The following ZBBX variants were observed in gnomAD, a reference collection of about 807,000 sequenced individuals.
ZBBX encodes zinc finger B-box domain-containing protein 1.
A neutral mutation model predicts 108.5 loss-of-function variants in ZBBX; 101 were observed. That is an observed-to-expected ratio of 0.93 (90% CI 0.79 to 1.10). The LOEUF (loss-of-function observed/expected upper bound fraction) is 1.10. Among genes scored for constraint, ZBBX ranks in the 50% least tolerant of loss-of-function variants. ZBBX has a pLI of 0.00. For missense variants in ZBBX, 1,009 were observed against 941.4 expected, an observed-to-expected ratio of 1.07 and a Z score of -0.94; for synonymous variants, 356 against 323.4, an observed-to-expected ratio of 1.10 and a Z score of -1.08.
chr3:167,239,710 C>A (rs1720388420), downstream of ZBBX, among the ~76,000 whole-genome samples: 1 of 151,978 alleles, frequency 6.6e-6, no homozygotes, highest in African/African-American at 2.4e-5. Context: ...AAGTAATACA[C>A]AGATTTTTGG....
the ZBBX span, among the ~76,000 whole-genome samples, chr3:167,212,583 C>T: frequency 2.0e-5 from 3 of 152,168 alleles, no homozygotes; most frequent in Admixed American, 6.5e-5. Flanking sequence ...GAACCCCTGG[C>T]GTGGACCCAC....
chr3:167,351,547 C>T (rs868471236), intron 8 of ZBBX, among the ~76,000 whole-genome samples: 4 of 152,268 alleles, frequency 2.6e-5, no homozygotes, highest in South Asian at 2.1e-4. Flanking sequence ...ATTTCCAATG[C>T]TCCTCATTCC....
chr3:167,373,600 A>G (rs1210643150), intron 3 of ZBBX, 106 bp downstream of exon 3: 1 of 152,248 alleles, frequency 6.6e-6, no homozygotes, highest in Non-Finnish European at 1.5e-5. Context: ...ATCAATGAAT[A>G]TATTATGCAT....
intron 1 of ZBBX, among the ~76,000 whole-genome samples, chr3:167,388,333 G>A (rs930777290): frequency 1.3e-5 from 2 of 151,862 alleles, no homozygotes; most frequent in African/African-American, 4.8e-5. Context: ...AGGAGATGAA[G>A]GCCAAAATAA....
intron 9 of ZBBX, among the ~76,000 whole-genome samples, chr3:167,342,710 A>G (rs28663342): frequency 0.36 from 54,136 of 151,122 alleles, 10,063 homozygotes; most frequent in East Asian, 0.66. Context: ...ATCTCATATA[A>G]GCAGAGTTAT....
intron 10 of ZBBX, among the ~76,000 whole-genome samples, chr3:167,333,054 T>C (rs1342991187): frequency 6.6e-6 from 1 of 152,010 alleles, no homozygotes; most frequent in African/African-American, 2.4e-5. Flanking sequence ...CTGACACTCC[T>C]GAAAAATTCA....
At chr3:167,280,472 A>C (rs1390190195) in intron 20 of ZBBX, among the ~76,000 whole-genome samples, 1 of 150,830 alleles carries the variant, frequency 6.6e-6, no homozygotes, top group Admixed American at 6.6e-5. Flanking sequence ...TCAAAAGAAG[A>C]CATTTATGCA....
chr3:167,354,391 CAGTATTTAAAA>C (rs763748130), intron 8 of ZBBX, among the ~76,000 whole-genome samples: 2 of 151,672 alleles, frequency 1.3e-5, no homozygotes, highest in African/African-American at 2.4e-5. Context: ...AAATAAAATT[CAGTATTTAAAA>C]AGAATGCATG....
Position 167,240,208 on chromosome 3 carries a change from C to T in ZBBX, c.*585G>A, listed in dbSNP as rs1244074910. 3 of 152,198 alleles carry T rather than the reference C, an allele frequency of 2.0e-5. No homozygotes were observed. Among genetic ancestry groups the T allele is most frequent in the Non-Finnish European group, 4.4e-5 (3 of 68,296 alleles). The allele number at this position is 152,198 out of a possible 1,614,324, so 9.4% of individuals were successfully genotyped here. A position where few individuals can be genotyped will look rare whatever the true frequency, so the allele number is the denominator to read the frequency against. Reference sequence around the variant, plus strand: ...CATTTTCACATAAAGCTAATCACTACATTGACCTTCTTAAAAAAAGATGCT... The same window carrying T: ...CATTTTCACATAAAGCTAATCACTATATTGACCTTCTTAAAAAAAGATGCT... On this transcript the variant is annotated 3_prime_UTR_variant, in exon 22 of 22. Transcript: ENST00000675490.
chr3:167,389,129 G>T (rs1748010775), intron 1 of ZBBX, among the ~76,000 whole-genome samples: 1 of 151,824 alleles, frequency 6.6e-6, no homozygotes, highest in Non-Finnish European at 1.5e-5. Context: ...CCCTCCCCTT[G>T]CCCCCGACCA....
intron 9 of ZBBX, among the ~76,000 whole-genome samples, chr3:167,342,891 G>A (rs1426037692): frequency 6.6e-6 from 1 of 151,324 alleles, no homozygotes; most frequent in African/African-American, 2.4e-5. Flanking sequence ...ATGGGTATAT[G>A]TACATGTCCA....
At chr3:167,288,102 C>T (rs1576899331) in intron 19 of ZBBX, among the ~76,000 whole-genome samples, 1 of 152,158 alleles carries the variant, frequency 6.6e-6, no homozygotes, top group Admixed American at 6.5e-5. Context: ...GGGGCCAATC[C>T]AAGTGCTAAT....
intron 20 of ZBBX, among the ~76,000 whole-genome samples, chr3:167,264,468 C>G (rs1394049030): frequency 1.3e-5 from 2 of 152,144 alleles, no homozygotes; most frequent in African/African-American, 4.8e-5. Flanking sequence ...ATTACATAAA[C>G]AAAGAAATGC....
At chr3:167,397,558 T>C (rs992177210) in intron 1 of ZBBX, among the ~76,000 whole-genome samples, 11 of 151,674 alleles carry the variant, frequency 7.3e-5, no homozygotes, top group African/African-American at 2.4e-4. Flanking sequence ...AAGTAGAGAG[T>C]TGTGTTGACC....
chr3:167,378,615 T>C (rs1747327856), intron 2 of ZBBX, among the ~76,000 whole-genome samples: 1 of 152,094 alleles, frequency 6.6e-6, no homozygotes, highest in Non-Finnish European at 1.5e-5. Flanking sequence ...CTATAAGACC[T>C]CCAGAGAGCT....
chr3:167,252,112 G>A (rs751876797), intron 20 of ZBBX: 4 of 1,279,682 alleles, frequency 3.1e-6, no homozygotes, highest in Admixed American at 4.6e-5. Context: ...TGAATCAAAG[G>A]AGAAACTGTT....
rs1395419748 is a variant in ZBBX, at chr3:167,285,460, AAAAAGAATTCT to A, written c.1997-2976_1997-2966del. On this transcript the variant is annotated intron_variant, in intron 19 of 21. Coordinates refer to ENST00000675490, the MANE Select transcript of ZBBX (RefSeq NM_001199201.2). ...TATCAACTGCTGAGAATTTATACAT[AAAAAGAATTCT>A]TAGAAATGTATTTTCTAAGAATTCT... Among the ~76,000 whole-genome samples the A allele has an allele frequency of 3.6e-3, 553 of 152,250 alleles. 2 individuals are homozygous for A. The highest frequency in any genetic ancestry group is 6.2e-3 in the Non-Finnish European group (423 of 67,992).
At chr3:167,406,940 C>G (rs962934545) in intron 1 of ZBBX, among the ~76,000 whole-genome samples, 2 of 152,140 alleles carry the variant, frequency 1.3e-5, no homozygotes, top group African/African-American at 4.8e-5. Context: ...TCAGTTTTAT[C>G]CAAGTAGTTC....
In ZBBX at chr3:167,317,564, T is replaced by TG; in HGVS notation, c.1016dup (p.Asp340ArgfsTer8). ...TTTCATGTGGATGTGGGAACGTATC[T>TG]GGTAGCATTTTAAAAAGTTGCTCTT... On this transcript the variant is annotated frameshift_variant, in exon 13 of 22. Transcript: ENST00000675490. LOFTEE classifies it high-confidence loss of function. The TG allele has an allele frequency of 6.2e-7, 1 of 1,610,692 alleles. No homozygotes were observed. Among genetic ancestry groups the TG allele is most frequent in the Non-Finnish European group, 8.5e-7 (1 of 1,178,206 alleles).
Sources: gnomAD v4.1 joint callset for allele counts (sites outside exome capture counted in the v4.1 genomes callset) on GRCh38, gnomAD v4.1.1 for gene constraint, MANE v1.5 for transcripts, NCBI Gene and HGNC (gene_info 2026-07-23, HGNC 2026-07-21) for gene names.